The following ATF5 variants were observed in gnomAD, a reference collection of about 807,000 sequenced individuals.
The protein encoded by ATF5 is cyclic AMP-dependent transcription factor ATF-5.
A neutral mutation model predicts 4.6 loss-of-function variants in ATF5; 6 were observed. The ratio of observed to expected loss-of-function variants is 1.31; its 90% CI spans 0.72 to 2.59. ATF5 has a LOEUF of 2.59. Ranked by LOEUF, ATF5 falls within the 30% of genes most tolerant of loss-of-function variation. The pLI, the probability that ATF5 is intolerant of heterozygous loss-of-function variation, is 0.00. For synonymous variants in ATF5, 193 were observed against 165.0 expected, an observed-to-expected ratio of 1.17 and a Z score of -1.30; for missense variants, 410 against 368.7, an observed-to-expected ratio of 1.11 and a Z score of -0.92.
rs201354210 is a variant in ATF5, at chr19:49,932,664, C to G, written c.421C>G (p.Leu141Val). The G allele has an allele frequency of 1.3e-6, 2 of 1,515,854 alleles. No homozygotes were observed. Among genetic ancestry groups the G allele is most frequent in the Non-Finnish European group, 1.8e-6 (2 of 1,117,594 alleles). The allele number at this position is 1,515,854 out of a possible 1,614,324, so 93.9% of individuals were successfully genotyped here. A position where few individuals can be genotyped will look rare whatever the true frequency, so the allele number is the denominator to read the frequency against. ...ACCACCACTACCACCAGCCCCCTCC[C>G]TCCCCCTGTCCCTCCCCTCCTTTGA... ...PPPPLPPAPS[L>V]PLSLPSFDLP... Residue 141 changes from leucine to valine, a missense_variant, in exon 3 of 3, where the codon CTC (leucine) becomes GTC (valine). By Grantham distance (32) the Leu-to-Val change is conservative. Transcript: ENST00000423777.
chr19:49,933,241 G>A lies in ATF5; in HGVS notation c.*149G>A, dbSNP rs2076086202. On this transcript the variant is annotated 3_prime_UTR_variant, in exon 3 of 3. Coordinates refer to ENST00000423777, the MANE Select transcript of ATF5 (RefSeq NM_001193646.2). ...TTTGGGAGGCCAAGGCAGGAGGATC[G>A]TTTGAGGCCAGGAGGTCAATACCAG... The A allele has an allele frequency of 4.8e-6, 4 of 825,790 alleles. No homozygotes were observed. Among genetic ancestry groups the A allele is most frequent in the African/African-American group, 1.7e-5 (1 of 58,050 alleles). The allele number at this position is 825,790 out of a possible 1,614,324, so 51.2% of individuals were successfully genotyped here.
Position 49,930,922 on chromosome 19 carries a change from C to G in ATF5, c.72C>G (p.Leu24=). Residue 24 remains leucine, a synonymous_variant, in exon 2 of 3, where the codon CTC becomes CTG. Coordinates refer to ENST00000423777, the MANE Select transcript of ATF5 (RefSeq NM_001193646.2). ...TCCCAGCTAGTGGGCTGGGATGGCT[C>G]GTAGACTATGGGAAACTCCCCCCGG... ...ALLPASGLGW[L]VDYGKLPPAP... 4 of 1,611,882 alleles carry G rather than the reference C, an allele frequency of 2.5e-6. No homozygotes were observed. Among genetic ancestry groups the G allele is most frequent in the South Asian group, 1.1e-5 (1 of 90,554 alleles).
chr19:49,933,026 C>T lies in ATF5; in HGVS notation c.783C>T (p.Ile261=). 6.2e-7 allele frequency: 1 copy of T among 1,613,546 alleles called. No homozygotes were observed. The highest frequency in any genetic ancestry group is 8.5e-7 in the Non-Finnish European group (1 of 1,179,656). Residue 261 remains isoleucine (I), a synonymous_variant, in exon 3 of 3, where the codon ATC becomes ATT. Transcript: ENST00000423777. ...KERAESVERE[I]QYVKDLLIEV... is the part of the protein sequence containing the mutation. ...GGGCAGAGTCCGTGGAGCGCGAGAT[C>T]CAGTACGTCAAGGACCTGCTCATCG...
In ATF5 at chr19:49,930,832, C is replaced by A; in HGVS notation, c.-19C>A. 1 of 1,555,326 alleles carries A rather than the reference C, an allele frequency of 6.4e-7. No homozygotes were observed. The highest frequency in any genetic ancestry group is 8.7e-7 in the Non-Finnish European group (1 of 1,146,168). ...AGCCTCTCCTGTTGCCATCAGTGCC[C>A]AGCACCTGTGCTACAGCCATGTCAC... On this transcript the variant is annotated 5_prime_UTR_variant, in exon 2 of 3. Coordinates refer to ENST00000423777, the MANE Select transcript of ATF5 (RefSeq NM_001193646.2).
Position 49,930,993 on chromosome 19 carries a change from A to T in ATF5, c.143A>T (p.Glu48Val). The T allele has an allele frequency of 1.9e-6, 3 of 1,568,522 alleles. No individual in the cohort carries two copies. Among genetic ancestry groups the T allele is most frequent in the Non-Finnish European group, 1.7e-6 (2 of 1,157,228 alleles). The change falls in exon 2 of 3, where the codon GAG (glutamate) becomes GTG (valine). Residue 48 changes from glutamate (E) to valine (V), a missense_variant. Transcript: ENST00000423777. ...TATGAGGTCCTTGGGGGAGCCCTGG[A>T]GGGCGGGCTTCCAGTGGGGGGAGAG... The part of the protein sequence containing the change: ...APYEVLGGAL[E>V]GGLPVGGEPL...
Position 49,933,681 on chromosome 19 carries a change from G to A in ATF5, c.*589G>A, listed in dbSNP as rs1337292560. 1 of 153,372 alleles carries A rather than the reference G, an allele frequency of 6.5e-6. No homozygotes were observed. Among genetic ancestry groups the A allele is most frequent in the Non-Finnish European group, 1.5e-5 (1 of 68,468 alleles). The allele number at this position is 153,372 out of a possible 1,614,324, so 9.5% of individuals were successfully genotyped here. On this transcript the variant is annotated 3_prime_UTR_variant, in exon 3 of 3. Transcript: ENST00000423777. The stretch of plus-strand genomic sequence containing the variant: ...TATCCTACAGGCAAAAAGCAGGCTA[G>A]GTGACCTTGGGACACTACGCTAAGG...
At position 49,932,632 on chromosome 19, in the gene ATF5, T is replaced by TACC. The variant is rs753089247; in HGVS notation, c.401_403dup (p.Pro134dup). The TACC allele has an allele frequency of 2.8e-6, 3 of 1,087,242 alleles. No homozygotes were observed. The highest frequency in any genetic ancestry group is 3.1e-5 in the Admixed American group (1 of 32,576). The allele number at this position is 1,087,242 out of a possible 1,614,324, so 67.3% of individuals were successfully genotyped here. On this transcript the variant is annotated inframe_insertion, in exon 3 of 3. Coordinates refer to ENST00000423777, the MANE Select transcript of ATF5 (RefSeq NM_001193646.2). ...CTCCCACCACCCTCCCCGCCGCCAC[T>TACC]ACCACCACCACCACTACCACCAGCC...
chr19:49,932,608 T>TGCCCCCCCCCCCCCCCCCCCCCCAAC lies in ATF5; in HGVS notation c.365_366insGCCCCCCCCCCCCCCCCCCCCCCAAC (p.Ser126ProfsTer107). 7.8e-7 allele frequency: 1 copy of TGCCCCCCCCCCCCCCCCCCCCCCAAC among 1,276,828 alleles called. No individual in the cohort carries two copies. The highest frequency in any genetic ancestry group is 1.1e-6 in the Non-Finnish European group (1 of 951,870). The allele number at this position is 1,276,828 out of a possible 1,614,324, so 79.1% of individuals were successfully genotyped here. On this transcript the variant is annotated frameshift_variant, in exon 3 of 3. Transcript: ENST00000423777. LOFTEE classifies it low-confidence loss of function (END_TRUNC). The stretch of plus-strand genomic sequence containing the variant: ...GACTTCTTCCTAGATGCCCCGCCCC[T>TGCCCCCCCCCCCCCCCCCCCCCCAAC]CCCACCACCCTCCCCGCCGCCACTA...
Position 49,933,114 on chromosome 19 carries a change from G to A in ATF5, c.*22G>A, listed in dbSNP as rs8667. 0.33 allele frequency: 510,195 copies of A among 1,547,772 alleles called. 87,077 individuals carry two copies. Among genetic ancestry groups the A allele is most frequent in the East Asian group, 0.43 (19,042 of 43,982 alleles). On this transcript the variant is annotated 3_prime_UTR_variant, in exon 3 of 3. Transcript: ENST00000423777. ...CTAGAAGGGCAGGGGTGTGGCTTCT[G>A]GGGGCTGGTCTTCAGCTCTGGCGCC...
At chr19:49,929,626 G>C (rs1354988869) in intron 1 of ATF5, 1 of 152,180 alleles carries the variant, frequency 6.6e-6, no homozygotes, top group South Asian at 2.1e-4. Context: ...CGTGCAGCTG[G>C]GCCTGAGCAC....
Position 49,930,951 on chromosome 19 carries a change from C to CT in ATF5, c.102dup (p.Ala35CysfsTer7). The CT allele has an allele frequency of 6.3e-7, 1 of 1,597,758 alleles. No individual in the cohort carries two copies. Among genetic ancestry groups the CT allele is most frequent in the Non-Finnish European group, 8.5e-7 (1 of 1,173,026 alleles). Reference sequence around the variant, plus strand: ...GACTATGGGAAACTCCCCCCGGCCCCTGCCCCCCTGGCTCCCTATGAGGTC... The same window carrying CT: ...GACTATGGGAAACTCCCCCCGGCCCCTTGCCCCCCTGGCTCCCTATGAGGTC... On this transcript the variant is annotated frameshift_variant, in exon 2 of 3. Transcript: ENST00000423777. LOFTEE classifies it high-confidence loss of function.
In ATF5 at chr19:49,932,599, C is replaced by T. The variant is rs746559979; in HGVS notation, c.356C>T (p.Ala119Val). 1 of 1,563,614 alleles carries T rather than the reference C, an allele frequency of 6.4e-7. No individual in the cohort carries two copies. The part of the protein sequence containing the change: ...LEQMEDFFLD[A>V]PPLPPPSPPP... ...CAGATGGAAGACTTCTTCCTAGATG[C>T]CCCGCCCCTCCCACCACCCTCCCCG... The change falls in exon 3 of 3, where the codon GCC (alanine) becomes GTC (valine). Residue 119 changes from alanine to valine, a missense_variant. Transcript: ENST00000423777.
At chr19:49,931,999 CTTTTT>C (rs1420778172) in intron 2 of ATF5, among the ~76,000 whole-genome samples, 2 of 151,286 alleles carry the variant, frequency 1.3e-5, no homozygotes, top group African/African-American at 2.4e-5. Context: ...TTCTTTTTTT[CTTTTT>C]TAATTTTTTT....
intron 2 of ATF5, chr19:49,931,286 A>G (rs1201305731): frequency 2.5e-6 from 1 of 405,446 alleles, no homozygotes; most frequent in African/African-American, 2.1e-5. Flanking sequence ...GAGCTACAAA[A>G]TGACAAAGGG....
At chr19:49,929,175 A>G (rs1270564526), upstream of ATF5, 1 of 140,656 alleles carries the variant, frequency 7.1e-6, no homozygotes, top group Non-Finnish European at 1.5e-5. Flanking sequence ...CACCCAGTAT[A>G]TATCTGTCCC....
rs375794902 is a variant in ATF5, at chr19:49,933,489, C to T, written c.*397C>T. The T allele has an allele frequency of 5.0e-5, 8 of 161,492 alleles. No homozygotes were observed. Among genetic ancestry groups the T allele is most frequent in the Admixed American group, 1.9e-4 (3 of 15,612 alleles). 10.0% of individuals were successfully genotyped at this position (161,492 alleles called of 1,614,324 possible). Reference sequence around the variant, plus strand: ...GCCCGTCACATAACAGCCGAGGCACCGAGGCCCACAGGGAAGCAGCTGGGA... The same window carrying T: ...GCCCGTCACATAACAGCCGAGGCACTGAGGCCCACAGGGAAGCAGCTGGGA... On this transcript the variant is annotated 3_prime_UTR_variant, in exon 3 of 3. Coordinates refer to ENST00000423777, the MANE Select transcript of ATF5 (RefSeq NM_001193646.2).
Position 49,929,365 on chromosome 19 carries a change from G to A in ATF5, c.-155G>A, listed in dbSNP as rs11083991. 169 of 154,372 alleles carry A rather than the reference G, an allele frequency of 1.1e-3. 1 individual carries two copies. Among genetic ancestry groups the A allele is most frequent in the African/African-American group, 3.9e-3 (161 of 41,576 alleles). 9.6% of individuals were successfully genotyped at this position (154,372 alleles called of 1,614,324 possible). ...CCGCTCCCACCTTCTTTCTTCAGCC[G>A]AGGCCGCCGCCGCCTCTCCTTGCTG... On this transcript the variant is annotated 5_prime_UTR_variant, in exon 1 of 3. Coordinates refer to ENST00000423777, the MANE Select transcript of ATF5 (RefSeq NM_001193646.2).
At chr19:49,932,305 AGTT>A (rs1486769257) in intron 2 of ATF5, 114 bp from the exon 3 acceptor site, 8 of 931,552 alleles carry the variant, frequency 8.6e-6, no homozygotes, top group African/African-American at 6.5e-5. Context: ...TTCAGTGGTT[AGTT>A]GTTTTACTGA....
At chr19:49,931,487 GA>G (rs984056580) in intron 2 of ATF5, among the ~76,000 whole-genome samples, 19 of 149,742 alleles carry the variant, frequency 1.3e-4, no homozygotes, top group Admixed American at 2.0e-4. Context: ...ATATCTATAG[GA>G]AAAAAAAAAT....
Sources: allele counts gnomAD v4.1 joint callset (sites outside exome capture counted in the v4.1 genomes callset), GRCh38; gene constraint gnomAD v4.1.1; transcripts MANE v1.5; gene names NCBI Gene and HGNC (gene_info 2026-07-23, HGNC 2026-07-21).